ERC2: variants seen among roughly 807,000 people sequenced by gnomAD.
ERC2 encodes ERC protein 2.
Under a neutral mutation model 114.8 loss-of-function variants are expected in ERC2, and 42 were observed. The ratio of observed to expected loss-of-function variants is 0.37; its 90% CI spans 0.29 to 0.47. The LOEUF (loss-of-function observed/expected upper bound fraction) is 0.47. ERC2 is among the 20% of genes least tolerant of loss of function. ERC2 has a pLI of 0.99. For missense variants in ERC2, 939 were observed against 1,150.7 expected, an observed-to-expected ratio of 0.82 and a Z score of 2.66; for synonymous variants, 454 against 425.5, an observed-to-expected ratio of 1.07 and a Z score of -0.82.
At chr3:55,777,084 A>AT (rs1559638241) in intron 14 of ERC2, among the ~76,000 whole-genome samples, 1 of 152,042 alleles carries the variant, frequency 6.6e-6, no homozygotes, top group African/African-American at 2.4e-5. Flanking sequence ...CATAAAAAAA[A>AT]AATAATAACA....
At chr3:56,118,729 C>T (rs1162782677) in intron 6 of ERC2, among the ~76,000 whole-genome samples, 3 of 151,442 alleles carry the variant, frequency 2.0e-5, no homozygotes, top group East Asian at 1.9e-4. Context: ...TTCCGCCTCC[C>T]GGGTTCACGC....
intron 7 of ERC2, among the ~76,000 whole-genome samples, chr3:56,045,735 A>C (rs1047093838): frequency 6.6e-6 from 1 of 152,162 alleles, no homozygotes; most frequent in Non-Finnish European, 1.5e-5. Context: ...TTGTGACACA[A>C]TGACATATGT....
chr3:56,357,633 G>A (rs2058794882), intron 2 of ERC2, among the ~76,000 whole-genome samples: 1 of 151,754 alleles, frequency 6.6e-6, no homozygotes, highest in South Asian at 2.1e-4. Context: ...CAGACTGGCA[G>A]TCAGACCTAC....
At chr3:55,914,211 C>T (rs1175306074) in intron 13 of ERC2, among the ~76,000 whole-genome samples, 1 of 152,092 alleles carries the variant, frequency 6.6e-6, no homozygotes, top group Non-Finnish European at 1.5e-5. Flanking sequence ...AGAAATTAGT[C>T]AACAACTGAG....
At chr3:55,533,442 G>A (rs943036343) in intron 17 of ERC2, among the ~76,000 whole-genome samples, 14 of 152,226 alleles carry the variant, frequency 9.2e-5, no homozygotes, top group African/African-American at 3.4e-4. Context: ...TACCAGGCTT[G>A]ACACTAAGCA....
intron 3 of ERC2, among the ~76,000 whole-genome samples, chr3:56,188,307 C>T (rs111904700): frequency 6.6e-6 from 1 of 152,288 alleles, no homozygotes; most frequent in Non-Finnish European, 1.5e-5. Context: ...TCCCTCACAC[C>T]CCTTTCTCTC....
At chr3:56,016,553 G>C (rs1402677595) in intron 8 of ERC2, among the ~76,000 whole-genome samples, 1 of 151,768 alleles carries the variant, frequency 6.6e-6, no homozygotes, top group Admixed American at 6.6e-5. Context: ...GATGACTTGG[G>C]GAACTTGCTA....
At chr3:55,665,758 C>A (rs2061334261) in intron 17 of ERC2, among the ~76,000 whole-genome samples, 2 of 152,196 alleles carry the variant, frequency 1.3e-5, no homozygotes, top group Non-Finnish European at 2.9e-5. Flanking sequence ...TGGGAAGTGT[C>A]ATCATGGTGC....
intron 3 of ERC2, among the ~76,000 whole-genome samples, chr3:56,210,268 A>T (rs1421061057): frequency 1.3e-5 from 2 of 152,128 alleles, no homozygotes; most frequent in African/African-American, 4.8e-5. Context: ...CACGGGAAAA[A>T]CAATTTGTTG....
intron 2 of ERC2, among the ~76,000 whole-genome samples, chr3:56,327,745 C>A (rs539766514): frequency 6.6e-6 from 1 of 152,284 alleles, no homozygotes; most frequent in South Asian, 2.1e-4. Context: ...CAGAGACCTC[C>A]CTTCTGAATC....
chr3:55,708,873 G>C (rs1382712496), intron 15 of ERC2, among the ~76,000 whole-genome samples: 2 of 151,758 alleles, frequency 1.3e-5, no homozygotes, highest in Non-Finnish European at 2.9e-5. Context: ...GAGAGAGAGA[G>C]AGAAGAGGAG....
At position 55,962,453 on chromosome 3, in the gene ERC2, C is replaced by T. The variant is rs186988924; in HGVS notation, c.2268-11893G>A. ...CTAACAATATATACATTAATATATA[C>T]ACTGTGTTCCAATAAAACTTTATTT... On this transcript the variant is annotated intron_variant, in intron 12 of 17. Transcript: ENST00000288221. Among the ~76,000 whole-genome samples, 768 of 152,296 alleles carry T rather than the reference C, an allele frequency of 5.0e-3. 6 individuals carry two copies. Among genetic ancestry groups the T allele is most frequent in the African/African-American group, 0.018 (731 of 41,570 alleles).
At chr3:56,447,501 G>A (rs2062633518) in intron 1 of ERC2, among the ~76,000 whole-genome samples, 1 of 152,162 alleles carries the variant, frequency 6.6e-6, no homozygotes, top group African/African-American at 2.4e-5. Context: ...AGCTAAACTG[G>A]CACATGGGTT....
At chr3:55,794,044 C>G (rs900425445) in intron 14 of ERC2, among the ~76,000 whole-genome samples, 3 of 152,134 alleles carry the variant, frequency 2.0e-5, no homozygotes, top group Non-Finnish European at 4.4e-5. Context: ...GAAATAAAAA[C>G]TAGTACTCTC....
intron 14 of ERC2, among the ~76,000 whole-genome samples, chr3:55,810,970 T>C (rs1264523559): frequency 6.6e-6 from 1 of 152,082 alleles, no homozygotes; most frequent in Non-Finnish European, 1.5e-5. Context: ...CCAAAGAATA[T>C]AAATATTTTA....
At chr3:56,458,548 C>T (rs1183449032) in intron 1 of ERC2, among the ~76,000 whole-genome samples, 1 of 152,154 alleles carries the variant, frequency 6.6e-6, no homozygotes, top group Non-Finnish European at 1.5e-5. Flanking sequence ...ACTAACTGCT[C>T]CACGCTCACA....
intron 2 of ERC2, among the ~76,000 whole-genome samples, chr3:56,395,131 C>G (rs1289659996): frequency 6.6e-6 from 1 of 151,634 alleles, no homozygotes. Flanking sequence ...CCAGGGGGAT[C>G]TGGGAGAAAT....
At chr3:55,644,594 A>G (rs1471968001) in intron 17 of ERC2, among the ~76,000 whole-genome samples, 4 of 152,170 alleles carry the variant, frequency 2.6e-5, no homozygotes, top group Non-Finnish European at 5.9e-5. Flanking sequence ...GAAAATATAT[A>G]AAGTCATCTG....
At chr3:56,072,611 AC>A (rs1298314348) in intron 7 of ERC2, among the ~76,000 whole-genome samples, 5 of 152,190 alleles carry the variant, frequency 3.3e-5, no homozygotes, top group Non-Finnish European at 2.9e-5. Flanking sequence ...AGAAAATTTT[AC>A]CCTATCCCAA....
Sources: allele counts gnomAD v4.1 joint callset (sites outside exome capture counted in the v4.1 genomes callset), GRCh38; gene constraint gnomAD v4.1.1; transcripts MANE v1.5; gene names NCBI Gene and HGNC (gene_info 2026-07-23, HGNC 2026-07-21).